Variants in SPEF2 observed in about 807,000 individuals in gnomAD.
SPEF2 encodes sperm flagella and cilia-associated protein 2.
In SPEF2, 187 loss-of-function variants were observed where a neutral mutation model predicts 224.6. The ratio of observed to expected loss-of-function variants is 0.83; its 90% CI spans 0.74 to 0.94. The LOEUF is 0.94. SPEF2 is among the 40% of genes least tolerant of loss of function. SPEF2 has a pLI of 0.00. For missense variants in SPEF2, 2,170 were observed against 2,135.6 expected (o/e 1.02, Z -0.32); for synonymous variants, 715 against 707.3 (o/e 1.01, Z -0.17).
intron 10 of SPEF2, among the ~76,000 whole-genome samples, chr5:35,689,338 T>C (rs1244116984): frequency 6.6e-6 from 1 of 152,188 alleles, no homozygotes; most frequent in Non-Finnish European, 1.5e-5. Context: ...ATTAAAATTA[T>C]ACCATGCAAT....
At chr5:35,769,203 G>A (rs1752468100) in intron 26 of SPEF2, among the ~76,000 whole-genome samples, 1 of 152,042 alleles carries the variant, frequency 6.6e-6, no homozygotes, top group Admixed American at 6.6e-5. Context: ...TTGTTTACAA[G>A]GGAGAAAAAT....
intron 30 of SPEF2, among the ~76,000 whole-genome samples, chr5:35,780,777 A>C (rs1754234293): frequency 6.6e-6 from 1 of 152,276 alleles, no homozygotes; most frequent in South Asian, 2.1e-4. Context: ...CACTCTGGTG[A>C]CTGGGAGGAA....
intron 19 of SPEF2, chr5:35,709,448 G>C (rs1208350712): frequency 1.1e-5 from 12 of 1,046,114 alleles, no homozygotes; most frequent in East Asian, 1.7e-4. Context: ...TCTGTGTGCT[G>C]AACTATAGAG....
At chr5:35,653,946 C>CAA (rs67527515) in intron 6 of SPEF2, among the ~76,000 whole-genome samples, 14 of 87,978 alleles carry the variant, frequency 1.6e-4, no homozygotes, top group Non-Finnish European at 2.4e-4. Context: ...GACTCTGTCT[C>CAA]AAAAAAAAAA....
At chr5:35,731,829 T>A (rs920268723) in intron 21 of SPEF2, among the ~76,000 whole-genome samples, 1 of 152,194 alleles carries the variant, frequency 6.6e-6, no homozygotes, top group African/African-American at 2.4e-5. Context: ...TCATTACATC[T>A]GTAAGTTCAA....
chr5:35,619,912 A>G (rs1315224725), intron 1 of SPEF2, among the ~76,000 whole-genome samples: 1 of 152,158 alleles, frequency 6.6e-6, no homozygotes, highest in Non-Finnish European at 1.5e-5. Context: ...AATTTTAACA[A>G]CATTTAGGCT....
At chr5:35,642,803 G>C (rs1276924064) in intron 3 of SPEF2, among the ~76,000 whole-genome samples, 1 of 152,128 alleles carries the variant, frequency 6.6e-6, no homozygotes, top group African/African-American at 2.4e-5. Context: ...ATAGATATGA[G>C]GGCTATCTCC....
In SPEF2 at chr5:35,628,420, A is replaced by G. The variant is rs577104054; in HGVS notation, c.59-40A>G. The G allele has an allele frequency of 9.6e-6, 13 of 1,360,522 alleles. No homozygotes were observed. The African/African-American group carries it at 1.3e-4, about 13-fold the overall frequency. The allele number at this position is 1,360,522 out of a possible 1,614,324, so 84.3% of individuals were successfully genotyped here. A position where few individuals can be genotyped will look rare whatever the true frequency, so the allele number is the denominator to read the frequency against. ...AGAGATCATTAGCTCTATGCGCAACATTGTATTCATGGTTTTTATCTCAAT... is the reference window on the plus strand; with the variant it reads ...AGAGATCATTAGCTCTATGCGCAACGTTGTATTCATGGTTTTTATCTCAAT... On this transcript the variant is annotated intron_variant, in intron 1 of 36. Coordinates refer to ENST00000356031, the MANE Select transcript of SPEF2 (RefSeq NM_024867.4).
chr5:35,744,355 A>G (rs1748132224), intron 23 of SPEF2, among the ~76,000 whole-genome samples: 2 of 152,204 alleles, frequency 1.3e-5, no homozygotes, highest in African/African-American at 4.8e-5. Context: ...AAGTGTGAAA[A>G]CCAGCAATGT....
At chr5:35,740,349 A>T in intron 23 of SPEF2, 82 bp downstream of exon 23, 1 of 1,549,566 alleles carries the variant, frequency 6.5e-7, no homozygotes, top group Non-Finnish European at 8.8e-7. Flanking sequence ...TTTGCTCCTT[A>T]CTTTTGTGAA....
Position 35,740,190 on chromosome 5 carries a change from CAGGCTGATT to C in SPEF2, c.3254_3262del (p.Gln1085_Phe1088delinsLeu), listed in dbSNP as rs749167088. On this transcript the variant is annotated inframe_deletion, in exon 23 of 37. Transcript: ENST00000356031. ...CAAGCAAGATTTTGTAGCTCAATGG[CAGGCTGATT>C]TCAACTCCCTTCCTGATGACCTGTG... is the stretch of plus-strand genomic sequence containing the variant. 2.5e-6 allele frequency: 4 copies of C among 1,613,974 alleles called. No individual in the cohort carries two copies. The highest frequency in any genetic ancestry group is 2.5e-6 in the Non-Finnish European group (3 of 1,180,014).
At chr5:35,808,023 G>T in intron 36 of SPEF2, 1 of 1,187,736 alleles carries the variant, frequency 8.4e-7, no homozygotes, top group Non-Finnish European at 1.0e-6. Flanking sequence ...GAAAATAAAA[G>T]CGCTTTCACT....
chr5:35,698,982 C>T (rs1755738122), intron 15 of SPEF2: 1 of 152,208 alleles, frequency 6.6e-6, no homozygotes, highest in Non-Finnish European at 1.5e-5. Flanking sequence ...CTTCACCAAG[C>T]TCTGGACAAG....
At position 35,670,052 on chromosome 5, in the gene SPEF2, G is replaced by C; in HGVS notation, c.1356-7G>C. The C allele has an allele frequency of 6.4e-7, 1 of 1,573,400 alleles. No homozygotes were observed. Among genetic ancestry groups the C allele is most frequent in the Non-Finnish European group, 8.6e-7 (1 of 1,166,042 alleles). On this transcript the variant is annotated splice_region_variant and splice_polypyrimidine_tract_variant and intron_variant, in intron 9 of 36. Coordinates refer to ENST00000356031, the MANE Select transcript of SPEF2 (RefSeq NM_024867.4). Reference sequence around the variant, plus strand: ...TGATTCATCTCTACCTTTTTTTTGTGCGATAGTCTGATTCCGTATAAGTTG... The same window carrying C: ...TGATTCATCTCTACCTTTTTTTTGTCCGATAGTCTGATTCCGTATAAGTTG...
intron 8 of SPEF2, among the ~76,000 whole-genome samples, chr5:35,664,638 C>G (rs1302072985): frequency 6.6e-6 from 1 of 151,258 alleles, no homozygotes. Context: ...CGAGATAACT[C>G]CATTGCACTC....
intron 24 of SPEF2, among the ~76,000 whole-genome samples, chr5:35,754,835 AT>A (rs1364860848): frequency 2.6e-5 from 4 of 152,244 alleles, no homozygotes; most frequent in African/African-American, 7.2e-5. Context: ...CTGATCCTTA[AT>A]TGATTAACTT....
intron 8 of SPEF2, among the ~76,000 whole-genome samples, chr5:35,665,200 A>T (rs1750302136): frequency 6.6e-6 from 1 of 152,150 alleles, no homozygotes; most frequent in African/African-American, 2.4e-5. Flanking sequence ...ACAGCTTCTC[A>T]GTGGTGTAGC....
At chr5:35,764,880 T>C (rs1751884542) in intron 26 of SPEF2, 2 of 363,362 alleles carry the variant, frequency 5.5e-6, no homozygotes, top group South Asian at 4.2e-5. Flanking sequence ...CTCTCATTGT[T>C]TCTGCTTCTT....
chr5:35,750,617 G>A (rs1306547911), intron 23 of SPEF2, among the ~76,000 whole-genome samples: 1 of 151,900 alleles, frequency 6.6e-6, no homozygotes, highest in Non-Finnish European at 1.5e-5. Context: ...TAATGATCAG[G>A]GAAATGCAAA....
Sources: allele counts gnomAD v4.1 joint callset (sites outside exome capture counted in the v4.1 genomes callset), GRCh38; gene constraint gnomAD v4.1.1; transcripts MANE v1.5; gene names NCBI Gene and HGNC (gene_info 2026-07-23, HGNC 2026-07-21).